The following NAP1L4 variants were observed in gnomAD, a reference collection of about 807,000 sequenced individuals.
The protein encoded by NAP1L4 is nucleosome assembly protein 1-like 4.
NAP1L4 carries 15 observed loss-of-function variants against 58.2 expected under a neutral mutation model. The observed-to-expected ratio is 0.26, with a 90% CI of 0.17 to 0.40. The LOEUF (loss-of-function observed/expected upper bound fraction) is 0.40, where lower values mean the gene tolerates loss of function less well. NAP1L4 is among the 10% of genes least tolerant of loss of function. The pLI is 1.00. For missense variants in NAP1L4, 384 were observed against 451.1 expected (o/e 0.85, Z 1.35); for synonymous variants, 171 against 155.6 (o/e 1.10, Z -0.74).
chr11:2,978,964 G>T (rs954567256), intron 2 of NAP1L4, among the ~76,000 whole-genome samples: 1 of 149,828 alleles, frequency 6.7e-6, no homozygotes, highest in African/African-American at 2.5e-5. Context: ...CACCCCAGGG[G>T]TGTTAAAGCA....
chr11:2,968,807 G>A (rs1659012629), intron 7 of NAP1L4, among the ~76,000 whole-genome samples: 1 of 152,148 alleles, frequency 6.6e-6, no homozygotes, highest in Non-Finnish European at 1.5e-5. Context: ...AAAACTGACG[G>A]CAAGTCAGTC....
chr11:2,950,110 C>T (rs1846145949), intron 14 of NAP1L4, among the ~76,000 whole-genome samples: 1 of 152,214 alleles, frequency 6.6e-6, no homozygotes, highest in Non-Finnish European at 1.5e-5. Context: ...CTTCCCTGTC[C>T]GCACACTGTG....
chr11:2,975,357 A>C (rs1044656443), intron 4 of NAP1L4, among the ~76,000 whole-genome samples: 6 of 152,094 alleles, frequency 3.9e-5, no homozygotes. Context: ...GGTCCTGACA[A>C]GAGCCATCCT....
At chr11:2,956,818 T>A (rs1846572684) in intron 10 of NAP1L4, among the ~76,000 whole-genome samples, 1 of 152,244 alleles carries the variant, frequency 6.6e-6, no homozygotes, top group South Asian at 2.1e-4. Flanking sequence ...ACTCACTAGC[T>A]AATGCCTCCT....
At chr11:2,982,443 G>A (rs1848377307) in intron 1 of NAP1L4, among the ~76,000 whole-genome samples, 1 of 152,164 alleles carries the variant, frequency 6.6e-6, no homozygotes, top group African/African-American at 2.4e-5. Context: ...CACCCTATCA[G>A]TAACACCTCG....
At chr11:2,978,204 T>C in intron 3 of NAP1L4, 80 bp downstream of exon 3, 1 of 1,360,134 alleles carries the variant, frequency 7.4e-7, no homozygotes, top group South Asian at 1.2e-5. Flanking sequence ...CAGGAATCCT[T>C]TACTTGCATT....
In NAP1L4 at chr11:2,945,786, T is replaced by C. The variant is rs866088729; in HGVS notation, c.*33-140A>G. On this transcript the variant is annotated intron_variant, in intron 15 of 15. Coordinates refer to ENST00000380542, the MANE Select transcript of NAP1L4 (RefSeq NM_005969.4). ...GTTACTGCAAATATACTTTTAAAAA[T>C]AGTGACAAAAACAAAGCTAACTCCC... 1.8e-5 allele frequency: 12 copies of C among 659,330 alleles called. No individual in the cohort carries two copies. In the South Asian group the frequency reaches 2.5e-4, roughly 14 times the overall value. The allele number at this position is 659,330 out of a possible 1,614,324, so 40.8% of individuals were successfully genotyped here. A position where few individuals can be genotyped will look rare whatever the true frequency, so the allele number is the denominator to read the frequency against.
At chr11:2,976,411 T>TA (rs951136563) in intron 3 of NAP1L4, among the ~76,000 whole-genome samples, 1 of 152,148 alleles carries the variant, frequency 6.6e-6, no homozygotes, top group African/African-American at 2.4e-5. Context: ...GCACCAGACT[T>TA]AAACAACTGA....
At chr11:2,973,056 C>G (rs1228656310) in intron 4 of NAP1L4, among the ~76,000 whole-genome samples, 1 of 152,174 alleles carries the variant, frequency 6.6e-6, no homozygotes, top group African/African-American at 2.4e-5. Context: ...AAAAACTGGA[C>G]AATGCAAGTG....
intron 3 of NAP1L4, 68 bp downstream of exon 3, chr11:2,978,216 A>C: frequency 6.8e-7 from 1 of 1,469,098 alleles, no homozygotes; most frequent in Non-Finnish European, 9.4e-7. Context: ...ACTTGCATTA[A>C]TAAATGTTTC....
intron 1 of NAP1L4, among the ~76,000 whole-genome samples, chr11:2,987,746 G>C (rs1225905284): frequency 9.4e-6 from 1 of 106,482 alleles, no homozygotes; most frequent in Non-Finnish European, 1.8e-5. Context: ...ATCAGAGCGA[G>C]ACTCCACCTC....
intron 1 of NAP1L4, among the ~76,000 whole-genome samples, chr11:2,980,957 A>AGT (rs199962550): frequency 0.017 from 2,564 of 152,100 alleles, 78 homozygotes; most frequent in African/African-American, 0.059. Context: ...CAGCAGGCAC[A>AGT]GTGGTTCATG....
At chr11:2,975,502 G>A (rs1356806580) in intron 4 of NAP1L4, among the ~76,000 whole-genome samples, 3 of 151,936 alleles carry the variant, frequency 2.0e-5, no homozygotes, top group East Asian at 1.9e-4. Flanking sequence ...AGGCTGAGGC[G>A]GGAGAACCAA....
At position 2,969,922 on chromosome 11, in the gene NAP1L4, T is replaced by C. The variant is rs745858244; in HGVS notation, c.415A>G (p.Ser139Gly). Residue 139 changes from serine (S) to glycine (G), a missense_variant, in exon 7 of 16, where the codon AGT becomes GGT. This residue lies in a region of NAP1L4 where 296 missense variants were observed against 360.8 expected (regional missense o/e 0.82). Coordinates refer to ENST00000380542, the MANE Select transcript of NAP1L4 (RefSeq NM_005969.4). ...EEEKLAGDMK[S>G]KVVVTEKAAA... Reference sequence around the variant, plus strand: ...GCTTTTTCTGTGACGACTACTTTACTTTTCATGTCTCCCTAAAAAAAAGAT... The same window carrying C: ...GCTTTTTCTGTGACGACTACTTTACCTTTCATGTCTCCCTAAAAAAAAGAT... 4 of 1,611,804 alleles carry C rather than the reference T, an allele frequency of 2.5e-6. No homozygotes were observed. The East Asian group carries it at 6.7e-5, about 27-fold the overall frequency.
intron 1 of NAP1L4, among the ~76,000 whole-genome samples, chr11:2,983,294 T>C (rs754500590): frequency 3.9e-5 from 6 of 152,228 alleles, no homozygotes; most frequent in Non-Finnish European, 7.3e-5. Context: ...ATGGTACCTG[T>C]TCCAACTTAA....
At chr11:2,978,907 C>G (rs11024844) in intron 2 of NAP1L4, among the ~76,000 whole-genome samples, 21,621 of 152,254 alleles carry the variant, frequency 0.14, 1,603 homozygotes, top group Middle Eastern at 0.17. Context: ...TCCACTTGAT[C>G]ACTGACAACT....
intron 10 of NAP1L4, among the ~76,000 whole-genome samples, chr11:2,957,421 G>A (rs1331014199): frequency 6.6e-6 from 1 of 152,176 alleles, no homozygotes; most frequent in African/African-American, 2.4e-5. Flanking sequence ...GATAAATAAG[G>A]GTGCTAAGCT....
At chr11:2,972,815 T>TA (rs995925871) in intron 4 of NAP1L4, among the ~76,000 whole-genome samples, 4 of 152,032 alleles carry the variant, frequency 2.6e-5, no homozygotes, top group African/African-American at 9.7e-5. Context: ...AAAAAAATTT[T>TA]AAAAAATTAG....
intron 1 of NAP1L4, among the ~76,000 whole-genome samples, chr11:2,984,936 T>C (rs1298248410): frequency 2.0e-5 from 3 of 152,262 alleles, no homozygotes; most frequent in East Asian, 1.9e-4. Flanking sequence ...TCTGAAATGC[T>C]TGGGACCAGA....
Sources: allele counts gnomAD v4.1 joint callset (sites outside exome capture counted in the v4.1 genomes callset), GRCh38; gene constraint gnomAD v4.1.1; regional missense constraint gnomAD v4.1.1; transcripts MANE v1.5; gene names NCBI Gene and HGNC (gene_info 2026-07-23, HGNC 2026-07-21).